METTL22: variants seen among roughly 807,000 people sequenced by gnomAD.
METTL22 encodes the protein methyltransferase 22, Kin17 lysine, also known as methyltransferase-like protein 22.
METTL22 carries 51 observed loss-of-function variants against 48.4 expected under a neutral mutation model. The ratio of observed to expected loss-of-function variants is 1.05; its 90% CI spans 0.84 to 1.33. The LOEUF (loss-of-function observed/expected upper bound fraction) is 1.33. Ranked by LOEUF, METTL22 falls within the 40% of genes most tolerant of loss-of-function variation. The pLI, the probability that METTL22 is intolerant of heterozygous loss-of-function variation, is 0.00. For synonymous variants in METTL22, 255 were observed against 214.1 expected (o/e 1.19, Z -1.67); for missense variants, 678 against 526.9 (o/e 1.29, Z -2.81).
chr16:8,664,449 T>C, the METTL22 span, among the ~76,000 whole-genome samples: 1 of 151,268 alleles, frequency 6.6e-6, no homozygotes, highest in Non-Finnish European at 1.5e-5. Flanking sequence ...CCAGCCTACA[T>C]TTTATTTATG....
chr16:8,657,820 C>CTTTTCT, the METTL22 span, among the ~76,000 whole-genome samples: 1 of 137,292 alleles, frequency 7.3e-6, no homozygotes, highest in African/African-American at 3.0e-5. Flanking sequence ...CTTTTCTTTT[C>CTTTTCT]TTTCTTTTTT....
chr16:8,646,537 C>A lies in METTL22; in HGVS notation c.*394C>A, dbSNP rs779240729. 1 of 493,652 alleles carries A rather than the reference C, an allele frequency of 2.0e-6. No homozygotes were observed. The highest frequency in any genetic ancestry group is 1.5e-5 in the South Asian group (1 of 64,836). The allele number at this position is 493,652 out of a possible 1,614,324, so 30.6% of individuals were successfully genotyped here. A position where few individuals can be genotyped will look rare whatever the true frequency, so the allele number is the denominator to read the frequency against. ...CAGCTGTTTACAGATGGGTTGACTA[C>A]CACTGCCAGTATTGCCATCATATTG... On this transcript the variant is annotated 3_prime_UTR_variant, in exon 11 of 11. Coordinates refer to ENST00000381920, the MANE Select transcript of METTL22 (RefSeq NM_024109.4).
chr16:8,641,865 G>A, intron 7 of METTL22: 1 of 570,206 alleles, frequency 1.8e-6, no homozygotes. Context: ...ACAGGCCAAG[G>A]CAGCGGGTGA....
chr16:8,644,855 C>A, intron 10 of METTL22, 130 bp downstream of exon 10: 1 of 949,270 alleles, frequency 1.1e-6, no homozygotes, highest in Non-Finnish European at 1.5e-6. Flanking sequence ...GTGAAGCCTG[C>A]GTGCCTGGCA....
At chr16:8,661,824 T>C in the METTL22 span, among the ~76,000 whole-genome samples, 108,084 of 143,174 alleles carry the variant, frequency 0.75, 45,359 homozygotes, top group East Asian at 0.99. Context: ...CCTCCCACTT[T>C]GGCCTCTCAA....
intron 10 of METTL22, chr16:8,644,961 T>C (rs1348609014): frequency 7.4e-6 from 3 of 407,814 alleles, no homozygotes; most frequent in African/African-American, 6.2e-5. Context: ...TCTTTTACTT[T>C]ATAGCACATA....
chr16:8,639,016 C>G, intron 5 of METTL22, 75 bp from the exon 6 acceptor site: 1 of 1,353,954 alleles, frequency 7.4e-7, no homozygotes. Context: ...GATCACAGCT[C>G]TCTCTAGGCA....
At chr16:8,639,890 C>A (rs1017978139) in intron 6 of METTL22, among the ~76,000 whole-genome samples, 2 of 152,030 alleles carry the variant, frequency 1.3e-5, no homozygotes, top group Non-Finnish European at 2.9e-5. Context: ...CAGCGCCCCC[C>A]ACCACCAACA....
chr16:8,622,167 C>T (rs1384391848), intron 1 of METTL22, among the ~76,000 whole-genome samples: 1 of 152,230 alleles, frequency 6.6e-6, no homozygotes, highest in African/African-American at 2.4e-5. Context: ...GGCCAGGCCA[C>T]GTCTTTCCTG....
At chr16:8,624,828 C>T (rs2141679438) in intron 1 of METTL22, among the ~76,000 whole-genome samples, 1 of 152,226 alleles carries the variant, frequency 6.6e-6, no homozygotes, top group East Asian at 1.9e-4. Flanking sequence ...CACTGCACTC[C>T]AGCCTGGGCA....
At position 8,647,024 on chromosome 16, in the gene METTL22, T is replaced by C. The variant is rs933484; in HGVS notation, c.*881T>C. The C allele has an allele frequency of 0.99, 295,541 of 297,674 alleles. 146,756 individuals carry two copies. The highest frequency in any genetic ancestry group is 1 in the East Asian group (11,637 of 11,638). 18.4% of individuals were successfully genotyped at this position (297,674 alleles called of 1,614,324 possible). On this transcript the variant is annotated 3_prime_UTR_variant, in exon 11 of 11. Transcript: ENST00000381920. ...CCCTTGGCCCTCCCTGCAGCCCCTT[T>C]CCCCTGCCTTGCTGCTGCCGCACAC...
Position 8,625,673 on chromosome 16 carries a change from A to G in METTL22, c.8A>G (p.Gln3Arg). The stretch of plus-strand genomic sequence containing the variant: ...TAAGGTGGAGCCTGGGCCATGGTAC[A>G]GCTGGCTCCTGCGGCAGCCATGGAC... MV[Q>R]LAPAAAMDEV... is the part of the protein sequence containing the mutation. The change falls in exon 2 of 11, where the codon CAG (glutamine) becomes CGG (arginine). Residue 3 changes from glutamine (Q) to arginine (R), a missense_variant. By Grantham distance (43) the Gln-to-Arg change is conservative. Transcript: ENST00000381920. 6.2e-7 allele frequency: 1 copy of G among 1,614,150 alleles called. No homozygotes were observed.
chr16:8,662,810 G>A, the METTL22 span, among the ~76,000 whole-genome samples: 1 of 144,554 alleles, frequency 6.9e-6, no homozygotes, highest in Non-Finnish European at 1.5e-5. Flanking sequence ...CAGAATCCTG[G>A]TCTGTAAAAT....
At chr16:8,635,892 T>A (rs1485599216) in intron 5 of METTL22, among the ~76,000 whole-genome samples, 1 of 152,232 alleles carries the variant, frequency 6.6e-6, no homozygotes, top group African/African-American at 2.4e-5. Context: ...CTCCAAATGA[T>A]AGCTGAAATC....
chr16:8,665,700 G>A, the METTL22 span, among the ~76,000 whole-genome samples: 1 of 152,176 alleles, frequency 6.6e-6, no homozygotes, highest in African/African-American at 2.4e-5. Context: ...GAGCCCTGCT[G>A]TGTGCCAGAC....
At position 8,635,317 on chromosome 16, in the gene METTL22, T is replaced by A; in HGVS notation, c.700+5T>A. 1 of 1,544,114 alleles carries A rather than the reference T, an allele frequency of 6.5e-7. No individual in the cohort carries two copies. Among genetic ancestry groups the A allele is most frequent in the South Asian group, 1.2e-5 (1 of 82,868 alleles). ...CACGGACCGTTTATTGTACAGGTAATGAGGTGACATCTCAGGCTGCAGGGA... is the reference window on the plus strand; with the variant it reads ...CACGGACCGTTTATTGTACAGGTAAAGAGGTGACATCTCAGGCTGCAGGGA... On this transcript the variant is annotated splice_donor_5th_base_variant and intron_variant, in intron 5 of 10. Coordinates refer to ENST00000381920, the MANE Select transcript of METTL22 (RefSeq NM_024109.4).
chr16:8,627,453 C>T (rs1357431799), intron 2 of METTL22, among the ~76,000 whole-genome samples: 1 of 152,138 alleles, frequency 6.6e-6, no homozygotes, highest in African/African-American at 2.4e-5. Flanking sequence ...GTATCATCTC[C>T]ACAGACAGCC....
At chr16:8,652,011 C>A (rs556989747), downstream of METTL22, among the ~76,000 whole-genome samples, 1 of 152,074 alleles carries the variant, frequency 6.6e-6, no homozygotes, top group Non-Finnish European at 1.5e-5. Flanking sequence ...CACATGTATC[C>A]CAGAACTTAA....
intron 5 of METTL22, among the ~76,000 whole-genome samples, chr16:8,636,299 C>T (rs1400503681): frequency 1.3e-5 from 2 of 152,182 alleles, no homozygotes; most frequent in Non-Finnish European, 2.9e-5. Flanking sequence ...CTTTGGGAGG[C>T]TGAGGCAGGC....
Sources: gnomAD v4.1 joint callset for allele counts (sites outside exome capture counted in the v4.1 genomes callset) on GRCh38, gnomAD v4.1.1 for gene constraint, MANE v1.5 for transcripts, NCBI Gene and HGNC (gene_info 2026-07-23, HGNC 2026-07-21) for gene names.